The following NRDE2 variants were observed in gnomAD, a reference collection of about 807,000 sequenced individuals.
NRDE2 encodes nuclear exosome regulator NRDE2.
Under a neutral mutation model 124.2 loss-of-function variants are expected in NRDE2, and 76 were observed. The observed-to-expected ratio is 0.61, with a 90% CI of 0.51 to 0.74. The LOEUF is 0.74. Among genes scored for constraint, NRDE2 ranks in the 30% least tolerant of loss-of-function variants. The pLI is 0.00. For missense variants in NRDE2, 1,314 were observed against 1,417.3 expected, an observed-to-expected ratio of 0.93 and a Z score of 1.17; for synonymous variants, 489 against 528.1, an observed-to-expected ratio of 0.93 and a Z score of 1.01.
chr14:90,291,825 C>T lies in NRDE2; in HGVS notation c.1842+872G>A, dbSNP rs976810497. On this transcript the variant is annotated intron_variant, in intron 9 of 13. Transcript: ENST00000354366. ...ATCCCTCTGCCCAGAGCAGATGCTC[C>T]GTCATCAAACAAATATTCCTTCAAC... Among the ~76,000 whole-genome samples the T allele has an allele frequency of 3.3e-5, 5 of 151,614 alleles. No individual in the cohort carries two copies. In the East Asian group the frequency reaches 7.7e-4, roughly 23 times the overall value.
At position 90,288,777 on chromosome 14, in the gene NRDE2, C is replaced by A. The variant is rs755265828; in HGVS notation, c.2598G>T (p.Val866=). The change falls in exon 11 of 14, where the codon GTG becomes GTT. Residue 866 remains valine, a synonymous_variant. Transcript: ENST00000354366. ...GCGCTTTCAAAATGTGAACAGCCAA[C>A]ACCTGTCCAGTGTAGGGCCCATAGG... The part of the protein sequence containing the change: ...SSPYGPYTGQ[V]LAVHILKARK... The A allele has an allele frequency of 3.1e-6, 5 of 1,614,156 alleles. No individual in the cohort carries two copies. The South Asian group carries it at 5.5e-5, about 18-fold the overall frequency.
chr14:90,278,916 G>A (rs1415244331), intron 13 of NRDE2, 146 bp downstream of exon 13: 1 of 686,776 alleles, frequency 1.5e-6, no homozygotes, highest in African/African-American at 1.8e-5. Context: ...CCAGGAAAAG[G>A]CTCTGGATGT....
chr14:90,285,472 T>C (rs1019278950), intron 12 of NRDE2, among the ~76,000 whole-genome samples: 8 of 151,938 alleles, frequency 5.3e-5, no homozygotes, highest in Non-Finnish European at 4.4e-5. Flanking sequence ...CAGCTAATTT[T>C]TGTATTTTTA....
Position 90,275,240 on chromosome 14 carries a change from C to G in NRDE2, c.*3096G>C, listed in dbSNP as rs1052704341. ...CCTGCTCCTGAACTGGATCCTTTTC[C>G]TAGAGGACATGACTGGGCCTGAGGA... On this transcript the variant is annotated 3_prime_UTR_variant, in exon 14 of 14. Coordinates refer to ENST00000354366, the MANE Select transcript of NRDE2 (RefSeq NM_017970.4). 1 of 152,116 alleles carries G rather than the reference C, an allele frequency of 6.6e-6. No homozygotes were observed. The highest frequency in any genetic ancestry group is 1.5e-5 in the Non-Finnish European group (1 of 68,032). 9.4% of individuals were successfully genotyped at this position (152,116 alleles called of 1,614,324 possible).
intron 9 of NRDE2, among the ~76,000 whole-genome samples, chr14:90,292,459 G>GCT (rs1489555612): frequency 6.6e-6 from 1 of 152,220 alleles, no homozygotes; most frequent in Non-Finnish European, 1.5e-5. Flanking sequence ...GGGGACAGAA[G>GCT]CTCTCTGGTC....
intron 12 of NRDE2, among the ~76,000 whole-genome samples, chr14:90,285,365 G>C (rs1452156716): frequency 1.5e-5 from 2 of 132,770 alleles, no homozygotes; most frequent in African/African-American, 5.6e-5. Context: ...AGAGTGGCAT[G>C]ACCTTGGCTC....
At chr14:90,297,030 T>C (rs1884192654) in intron 8 of NRDE2, among the ~76,000 whole-genome samples, 2 of 151,658 alleles carry the variant, frequency 1.3e-5, no homozygotes, top group Admixed American at 6.6e-5. Flanking sequence ...TCCCAGCTAC[T>C]TGGGAGGCTG....
intron 12 of NRDE2, chr14:90,281,291 T>G (rs185003085): frequency 6.6e-6 from 1 of 152,610 alleles, no homozygotes; most frequent in East Asian, 1.9e-4. Context: ...CCCAGCACAG[T>G]GGTGCGCACC....
At chr14:90,282,484 A>G (rs1374058332) in intron 12 of NRDE2, among the ~76,000 whole-genome samples, 1 of 151,892 alleles carries the variant, frequency 6.6e-6, no homozygotes, top group Non-Finnish European at 1.5e-5. Flanking sequence ...TCTCAAAAAA[A>G]AAAAACAAAA....
chr14:90,324,584 G>A (rs1885352993), intron 1 of NRDE2, among the ~76,000 whole-genome samples: 1 of 151,204 alleles, frequency 6.6e-6, no homozygotes, highest in African/African-American at 2.4e-5. Context: ...GCTGAGGGAG[G>A]AGAATCGTTT....
In NRDE2 at chr14:90,288,412, GAGA is replaced by G. The variant is rs1892169068; in HGVS notation, c.2960_2962del (p.Leu987_Ser988delinsPro). ...GCCTGGATACAACTTTAAAGCCTGT[GAGA>G]GTGCCTCTCGCAGAGGGGCCAGCGG... On this transcript the variant is annotated inframe_deletion, in exon 11 of 14. Transcript: ENST00000354366. 3 of 1,614,056 alleles carry G rather than the reference GAGA, an allele frequency of 1.9e-6. No individual in the cohort carries two copies. Among genetic ancestry groups the G allele is most frequent in the Non-Finnish European group, 2.5e-6 (3 of 1,180,048 alleles).
intron 1 of NRDE2, among the ~76,000 whole-genome samples, chr14:90,328,068 G>C (rs113402891): frequency 6.6e-6 from 1 of 151,268 alleles, no homozygotes; most frequent in Non-Finnish European, 1.5e-5. Flanking sequence ...GCGTGAACCC[G>C]GGAGGCGGAG....
chr14:90,317,949 A>G, intron 2 of NRDE2, 56 bp downstream of exon 2: 1 of 1,264,556 alleles, frequency 7.9e-7, no homozygotes, highest in South Asian at 1.3e-5. Context: ...CATTTCAGCT[A>G]AGCTATAGAC....
Position 90,269,290 on chromosome 14 carries a change from C to T in NRDE2, c.*9046G>A. The T allele has an allele frequency of 1.0e-6, 1 of 978,796 alleles. No individual in the cohort carries two copies. The highest frequency in any genetic ancestry group is 1.5e-6 in the Non-Finnish European group (1 of 671,932). The allele number at this position is 978,796 out of a possible 1,614,324, so 60.6% of individuals were successfully genotyped here. ...TGAGGGAGTGCCATGTGAGTTGAAA[C>T]AGGAATGTTTGTTAAGGTGTTTTGT... On this transcript the variant is annotated 3_prime_UTR_variant, in exon 14 of 14. Coordinates refer to ENST00000354366, the MANE Select transcript of NRDE2 (RefSeq NM_017970.4).
intron 8 of NRDE2, among the ~76,000 whole-genome samples, chr14:90,293,189 T>G (rs1163838096): frequency 6.6e-6 from 1 of 152,056 alleles, no homozygotes; most frequent in African/African-American, 2.4e-5. Flanking sequence ...ATACCTGCAT[T>G]AACAGGGTAG....
rs936301206 is a variant in NRDE2, at chr14:90,274,091, T to G, written c.*4245A>C. 5 of 154,680 alleles carry G rather than the reference T, an allele frequency of 3.2e-5. No homozygotes were observed. Among genetic ancestry groups the G allele is most frequent in the Non-Finnish European group, 7.3e-5 (5 of 68,334 alleles). 9.6% of individuals were successfully genotyped at this position (154,680 alleles called of 1,614,324 possible). A position where few individuals can be genotyped will look rare whatever the true frequency, so the allele number is the denominator to read the frequency against. ...GCCACTCTGCCTACCACAGAGGACA[T>G]CCACACGTGGGGGTGGCCCAGTGCA... is the stretch of plus-strand genomic sequence containing the variant. On this transcript the variant is annotated 3_prime_UTR_variant, in exon 14 of 14. Transcript: ENST00000354366.
chr14:90,326,673 A>G (rs1041365747), intron 1 of NRDE2, among the ~76,000 whole-genome samples: 2 of 152,176 alleles, frequency 1.3e-5, no homozygotes, highest in African/African-American at 2.4e-5. Context: ...TACCTGGTTT[A>G]CAATCTCAAC....
At chr14:90,279,232 A>G (rs1490349409) in intron 12 of NRDE2, 99 bp from the exon 13 acceptor site, 12 of 911,462 alleles carry the variant, frequency 1.3e-5, no homozygotes, top group African/African-American at 4.9e-5. Flanking sequence ...CCTCAGCTGC[A>G]GTGAGCCCAC....
intron 7 of NRDE2, among the ~76,000 whole-genome samples, chr14:90,299,075 C>T (rs2139685211): frequency 1.2e-5 from 1 of 86,016 alleles, no homozygotes; most frequent in East Asian, 5.9e-4. Context: ...GACAGAGTCT[C>T]GCTCTTGTTG....
Sources: gnomAD v4.1 joint callset for allele counts (sites outside exome capture counted in the v4.1 genomes callset) on GRCh38, gnomAD v4.1.1 for gene constraint, MANE v1.5 for transcripts, NCBI Gene and HGNC (gene_info 2026-07-23, HGNC 2026-07-21) for gene names.